Variants in KCNQ5 observed in about 807,000 individuals in gnomAD.
KCNQ5 encodes the protein potassium voltage-gated channel subfamily KQT member 5.
In KCNQ5, 30 loss-of-function variants were observed where a neutral mutation model predicts 98.2. The ratio of observed to expected loss-of-function variants is 0.31; its 90% CI spans 0.23 to 0.41. The LOEUF (loss-of-function observed/expected upper bound fraction) is 0.41. Ranked by LOEUF, KCNQ5 falls within the 10% of genes least tolerant of loss-of-function variation. The pLI is 1.00. For synonymous variants in KCNQ5, 458 were observed against 449.4 expected, an observed-to-expected ratio of 1.02 and a Z score of -0.24; for missense variants, 835 against 1,182.5, an observed-to-expected ratio of 0.71 and a Z score of 4.31.
At chr6:72,929,943 A>G (rs1765615196) in intron 1 of KCNQ5, among the ~76,000 whole-genome samples, 1 of 152,094 alleles carries the variant, frequency 6.6e-6, no homozygotes, top group Admixed American at 6.6e-5. Flanking sequence ...ACATAATTTA[A>G]CTTTTCTTTA....
At chr6:73,157,554 G>C in intron 10 of KCNQ5, 2 of 752,252 alleles carry the variant, frequency 2.7e-6, no homozygotes, top group East Asian at 2.5e-5. Flanking sequence ...TTGCTGGGTG[G>C]TGTCAGAGGA....
At chr6:72,667,603 T>C (rs1348397252) in intron 1 of KCNQ5, among the ~76,000 whole-genome samples, 1 of 152,164 alleles carries the variant, frequency 6.6e-6, no homozygotes, top group Non-Finnish European at 1.5e-5. Flanking sequence ...AAGAAAAAGA[T>C]AGTCACTTTA....
chr6:72,762,281 T>C (rs914284117), intron 1 of KCNQ5, among the ~76,000 whole-genome samples: 13 of 152,058 alleles, frequency 8.5e-5, no homozygotes, highest in African/African-American at 2.9e-4. Context: ...TTGTTGGTTT[T>C]AGTTTTGTGA....
intron 1 of KCNQ5, among the ~76,000 whole-genome samples, chr6:72,849,625 G>A (rs1777163688): frequency 6.6e-6 from 1 of 152,120 alleles, no homozygotes; most frequent in South Asian, 2.1e-4. Flanking sequence ...CAGATTCAGG[G>A]AAAAGGGGGC....
intron 10 of KCNQ5, among the ~76,000 whole-genome samples, chr6:73,153,228 C>T (rs1450153643): frequency 1.3e-5 from 2 of 152,162 alleles, no homozygotes; most frequent in Admixed American, 1.3e-4. Flanking sequence ...TCTCTGGTGT[C>T]AGCTAGTCAG....
At chr6:72,925,900 G>T (rs548062258) in intron 1 of KCNQ5, among the ~76,000 whole-genome samples, 1 of 152,274 alleles carries the variant, frequency 6.6e-6, no homozygotes, top group Middle Eastern at 3.4e-3. Flanking sequence ...CAAAGGCTTT[G>T]CATTTTATAT....
intron 11 of KCNQ5, among the ~76,000 whole-genome samples, chr6:73,171,129 A>ATTTC: frequency 6.6e-6 from 1 of 152,154 alleles, no homozygotes; most frequent in Non-Finnish European, 1.5e-5. Context: ...GATTTTCATA[A>ATTTC]ATGTTTGTGG....
chr6:73,117,474 A>T (rs902777840), intron 7 of KCNQ5, among the ~76,000 whole-genome samples: 2 of 152,240 alleles, frequency 1.3e-5, no homozygotes, highest in Non-Finnish European at 2.9e-5. Context: ...GCAAGACATC[A>T]GGTCTCATTG....
At chr6:73,126,171 T>C (rs1311623863) in intron 9 of KCNQ5, among the ~76,000 whole-genome samples, 1 of 152,208 alleles carries the variant, frequency 6.6e-6, no homozygotes, top group African/African-American at 2.4e-5. Flanking sequence ...CATTTACTAA[T>C]TATCTCAAAG....
chr6:73,146,398 G>A (rs940627178), intron 10 of KCNQ5, among the ~76,000 whole-genome samples: 3 of 152,140 alleles, frequency 2.0e-5, no homozygotes, highest in Non-Finnish European at 4.4e-5. Context: ...GCCCAGGCCT[G>A]TGGATCACTT....
chr6:73,152,475 G>C (rs1328036001), intron 10 of KCNQ5, among the ~76,000 whole-genome samples: 1 of 151,700 alleles, frequency 6.6e-6, no homozygotes, highest in African/African-American at 2.4e-5. Context: ...TTTGACTAAG[G>C]GTTCTTTTAT....
At chr6:72,854,871 A>G (rs1037052333) in intron 1 of KCNQ5, among the ~76,000 whole-genome samples, 6 of 151,636 alleles carry the variant, frequency 4.0e-5, no homozygotes, top group Non-Finnish European at 7.4e-5. Flanking sequence ...AATTCTAATT[A>G]CATAGCCTTG....
intron 1 of KCNQ5, among the ~76,000 whole-genome samples, chr6:72,653,342 T>C (rs910997335): frequency 6.6e-6 from 1 of 151,982 alleles, no homozygotes. Context: ...AGATTTTCCA[T>C]TAGTGTCTGC....
At chr6:73,138,128 A>T (rs954941544) in intron 10 of KCNQ5, among the ~76,000 whole-genome samples, 13 of 152,216 alleles carry the variant, frequency 8.5e-5, no homozygotes, top group African/African-American at 3.1e-4. Flanking sequence ...GAGACTCAGG[A>T]TAACAGCCAT....
chr6:72,768,829 A>T (rs1284517957), intron 1 of KCNQ5, among the ~76,000 whole-genome samples: 1 of 152,004 alleles, frequency 6.6e-6, no homozygotes, highest in Non-Finnish European at 1.5e-5. Context: ...TCATTGTAAA[A>T]CCCAATTTTT....
chr6:73,121,880 T>C (rs770297454), intron 8 of KCNQ5, among the ~76,000 whole-genome samples: 13 of 152,198 alleles, frequency 8.5e-5, no homozygotes, highest in Non-Finnish European at 1.5e-4. Context: ...TAAGCTCTAA[T>C]GGGAAATGCC....
intron 1 of KCNQ5, among the ~76,000 whole-genome samples, chr6:72,624,976 A>C (rs2098917326): frequency 6.6e-6 from 1 of 152,194 alleles, no homozygotes; most frequent in African/African-American, 2.4e-5. Context: ...AATAATTTCG[A>C]GAGAGGTGTA....
At chr6:73,098,738 T>C (rs4706529) in intron 5 of KCNQ5, among the ~76,000 whole-genome samples, 145,737 of 152,304 alleles carry the variant, frequency 0.96, 69,721 homozygotes, top group South Asian at 0.98. Flanking sequence ...ACCTGTCCTA[T>C]AAGAAATGCT....
intron 1 of KCNQ5, among the ~76,000 whole-genome samples, chr6:72,779,385 G>C (rs1476411121): frequency 2.4e-4 from 37 of 152,208 alleles, no homozygotes; most frequent in Non-Finnish European, 1.5e-5. Context: ...TGAATATGTA[G>C]ACAAGTTTGT....
Sources: gnomAD v4.1 joint callset for allele counts (sites outside exome capture counted in the v4.1 genomes callset) on GRCh38, gnomAD v4.1.1 for gene constraint, MANE v1.5 for transcripts, NCBI Gene and HGNC (gene_info 2026-07-23, HGNC 2026-07-21) for gene names.